The following RBM19 variants were observed in gnomAD, a reference collection of about 807,000 sequenced individuals.
RBM19 encodes the protein probable RNA-binding protein 19.
RBM19 carries 94 observed loss-of-function variants against 116.8 expected under a neutral mutation model. The observed-to-expected ratio is 0.80, with a 90% CI of 0.68 to 0.95. The LOEUF (loss-of-function observed/expected upper bound fraction) is 0.95, where lower values mean the gene tolerates loss of function less well. Ranked by LOEUF, RBM19 falls within the 40% of genes least tolerant of loss-of-function variation. The pLI, the probability that RBM19 is intolerant of heterozygous loss-of-function variation, is 0.00. For missense variants in RBM19, 1,161 were observed against 1,220.7 expected (o/e 0.95, Z 0.73); for synonymous variants, 475 against 494.1 (o/e 0.96, Z 0.51).
intron 17 of RBM19, among the ~76,000 whole-genome samples, chr12:113,925,674 C>T (rs888960790): frequency 6.6e-6 from 1 of 152,154 alleles, no homozygotes; most frequent in South Asian, 2.1e-4. Flanking sequence ...GTGAACTGGC[C>T]TCTCTGAAGC....
intron 22 of RBM19, among the ~76,000 whole-genome samples, chr12:113,854,345 A>G (rs372097192): frequency 1.1e-4 from 17 of 152,226 alleles, no homozygotes; most frequent in African/African-American, 4.1e-4. Flanking sequence ...CCCTGGTTGC[A>G]TGGCGTTGAT....
At chr12:113,851,022 T>C (rs1396710759) in intron 22 of RBM19, among the ~76,000 whole-genome samples, 2 of 152,172 alleles carry the variant, frequency 1.3e-5, no homozygotes, top group Non-Finnish European at 2.9e-5. Context: ...ATAGATCCTT[T>C]CCTTCGGTCC....
intron 21 of RBM19, among the ~76,000 whole-genome samples, chr12:113,884,333 A>G (rs1053009470): frequency 6.7e-6 from 1 of 148,206 alleles, no homozygotes; most frequent in African/African-American, 2.5e-5. Flanking sequence ...ACACACACAC[A>G]CGTACTTTTT....
intron 17 of RBM19, 129 bp downstream of exon 17, chr12:113,926,925 G>T: frequency 9.3e-7 from 1 of 1,073,786 alleles, no homozygotes; most frequent in Non-Finnish European, 1.3e-6. Context: ...AGTAGGTGGT[G>T]CTGGTTATTG....
chr12:113,872,200 G>A (rs1397095797), intron 21 of RBM19, among the ~76,000 whole-genome samples: 4 of 147,362 alleles, frequency 2.7e-5, no homozygotes, highest in African/African-American at 4.9e-5. Context: ...TGTGAGGAGC[G>A]CCTCTGCCCG....
intron 2 of RBM19, 26 bp downstream of exon 2, chr12:113,962,206 T>A (rs778649181): frequency 6.2e-7 from 1 of 1,610,514 alleles, no homozygotes; most frequent in South Asian, 1.1e-5. Context: ...GACAGGAAGG[T>A]AAGGGTGAGA....
chr12:113,834,101 CTATT>C (rs746252339), intron 23 of RBM19, among the ~76,000 whole-genome samples: 8 of 151,936 alleles, frequency 5.3e-5, no homozygotes, highest in East Asian at 1.9e-4. Flanking sequence ...AACTTTGTTG[CTATT>C]TATTTATTTT....
chr12:113,952,487 C>T (rs749740006), intron 8 of RBM19, 25 bp downstream of exon 8: 3 of 1,596,582 alleles, frequency 1.9e-6, no homozygotes, highest in Admixed American at 1.7e-5. Context: ...CCCGCCTTCC[C>T]ACCTGGAAAC....
chr12:113,957,812 C>T lies in RBM19; in HGVS notation c.810G>A (p.Gly270=), dbSNP rs1333794991. 1 of 1,603,868 alleles carries T rather than the reference C, an allele frequency of 6.2e-7. No homozygotes were observed. The highest frequency in any genetic ancestry group is 8.5e-7 in the Non-Finnish European group (1 of 1,174,470). The change falls in exon 6 of 24, where the codon GGG becomes GGA. Residue 270 remains glycine (G), a synonymous_variant. Coordinates refer to ENST00000261741, the MANE Select transcript of RBM19 (RefSeq NM_016196.4). ...GAGQEQGMPA[G]KKRPPEARAE... The stretch of plus-strand genomic sequence containing the variant: ...CTCTGGCCTCCGGTGGTCTCTTTTT[C>T]CCAGCTGGCATCCCTTGCTCTTGGC...
chr12:113,918,631 G>A (rs1465376942), intron 19 of RBM19, among the ~76,000 whole-genome samples, 184 bp from the exon 20 acceptor site: 3 of 152,354 alleles, frequency 2.0e-5, no homozygotes, highest in South Asian at 4.1e-4. Flanking sequence ...CCGTGCCCAG[G>A]CAGCAGCTGG....
At chr12:113,834,936 C>T (rs1875745974) in intron 23 of RBM19, among the ~76,000 whole-genome samples, 1 of 152,226 alleles carries the variant, frequency 6.6e-6, no homozygotes, top group Admixed American at 6.5e-5. Context: ...ACTCTCTGCA[C>T]ATGGTAGGTC....
At chr12:113,941,634 C>CA (rs1870583369) in intron 14 of RBM19, among the ~76,000 whole-genome samples, 1 of 151,746 alleles carries the variant, frequency 6.6e-6, no homozygotes, top group Non-Finnish European at 1.5e-5. Flanking sequence ...TCCATTCATC[C>CA]ACCATCCATA....
intron 1 of RBM19, among the ~76,000 whole-genome samples, chr12:113,963,554 T>C (rs1233741432): frequency 6.6e-6 from 1 of 152,250 alleles, no homozygotes; most frequent in East Asian, 1.9e-4. Flanking sequence ...TTAGGAATTT[T>C]TGTCCACATT....
In RBM19 at chr12:113,914,968, C is replaced by T; in HGVS notation, c.2558+1G>A. ...CCCTGGACTAAACCTGAAGTTCTCA[C>T]CTGAAGAGCTCTCGGATCTCCCGGC... On this transcript the variant is annotated splice_donor_variant, in intron 21 of 23. Transcript: ENST00000261741. LOFTEE classifies it high-confidence loss of function. 6.2e-7 allele frequency: 1 copy of T among 1,612,492 alleles called. No homozygotes were observed. The highest frequency in any genetic ancestry group is 1.1e-5 in the South Asian group (1 of 91,060).
intron 23 of RBM19, 22 bp from the exon 24 acceptor site, chr12:113,823,343 G>A: frequency 6.2e-7 from 1 of 1,607,512 alleles, no homozygotes; most frequent in Middle Eastern, 1.7e-4. Flanking sequence ...CAGATGGCAA[G>A]AGAGGAGAAA....
chr12:113,923,503 A>G (rs759929401), intron 18 of RBM19, among the ~76,000 whole-genome samples: 1 of 151,538 alleles, frequency 6.6e-6, no homozygotes, highest in Non-Finnish European at 1.5e-5. Context: ...TCTGCTTAGA[A>G]CCCTCCATGG....
At chr12:113,842,914 G>A (rs150214740) in intron 23 of RBM19, among the ~76,000 whole-genome samples, 21 of 152,360 alleles carry the variant, frequency 1.4e-4, no homozygotes, top group Middle Eastern at 3.4e-3. Context: ...CTCTGTGGGA[G>A]GTGTGGTGGG....
chr12:113,895,507 CAT>C (rs1881257888), intron 21 of RBM19, among the ~76,000 whole-genome samples: 1 of 152,186 alleles, frequency 6.6e-6, no homozygotes, highest in Non-Finnish European at 1.5e-5. Context: ...TTGCCAGACA[CAT>C]GTCAGAGAGG....
intron 21 of RBM19, among the ~76,000 whole-genome samples, chr12:113,861,496 GT>G (rs1454986073): frequency 6.6e-6 from 1 of 151,402 alleles, no homozygotes; most frequent in Non-Finnish European, 1.5e-5. Context: ...GTGTGTGTGT[GT>G]GTGTGTGTGT....
Sources: allele counts gnomAD v4.1 joint callset (sites outside exome capture counted in the v4.1 genomes callset), GRCh38; gene constraint gnomAD v4.1.1; transcripts MANE v1.5; gene names NCBI Gene and HGNC (gene_info 2026-07-23, HGNC 2026-07-21).